ZEB1: variants seen among roughly 807,000 people sequenced by gnomAD.
The protein encoded by ZEB1 is zinc finger E-box binding homeobox 1, also known as zinc finger E-box-binding homeobox 1.
ZEB1 carries 21 observed loss-of-function variants against 84.9 expected under a neutral mutation model. The observed-to-expected ratio is 0.25, with a 90% CI of 0.18 to 0.36. The LOEUF (loss-of-function observed/expected upper bound fraction) is 0.36. Among genes scored for constraint, ZEB1 ranks in the 10% least tolerant of loss-of-function variants. ZEB1 has a pLI of 1.00. For missense variants in ZEB1, 1,104 were observed against 1,330.2 expected (o/e 0.83, Z 2.65); for synonymous variants, 420 against 471.1 (o/e 0.89, Z 1.41).
At chr10:31,497,398 G>A (rs749315944) in intron 3 of ZEB1, among the ~76,000 whole-genome samples, 1 of 152,028 alleles carries the variant, frequency 6.6e-6, no homozygotes, top group Non-Finnish European at 1.5e-5. Context: ...TGGAAGGCAG[G>A]GTAACCTTCT....
chr10:31,519,551 A>G (rs756931933), intron 6 of ZEB1, among the ~76,000 whole-genome samples: 2 of 152,216 alleles, frequency 1.3e-5, no homozygotes, highest in African/African-American at 2.4e-5. Context: ...CTGGGAGTAT[A>G]TACATTTCAG....
intron 1 of ZEB1, among the ~76,000 whole-genome samples, chr10:31,385,658 A>G (rs1403372395): frequency 6.6e-6 from 1 of 151,268 alleles, no homozygotes; most frequent in Non-Finnish European, 1.5e-5. Flanking sequence ...CCCCCAAGTA[A>G]CTGGGATTAC....
chr10:31,389,878 C>A (rs535764468), intron 1 of ZEB1, among the ~76,000 whole-genome samples: 18 of 152,170 alleles, frequency 1.2e-4, no homozygotes, highest in African/African-American at 4.1e-4. Context: ...ATACTCACAG[C>A]ACATCTTATA....
chr10:31,496,937 A>G (rs75820110), intron 3 of ZEB1, among the ~76,000 whole-genome samples: 245 of 152,244 alleles, frequency 1.6e-3, no homozygotes, highest in African/African-American at 4.5e-3. Flanking sequence ...TTGTGCTGTT[A>G]TTAAAAGTGA....
chr10:31,326,276 C>G (rs915722740), intron 1 of ZEB1, among the ~76,000 whole-genome samples: 4 of 152,044 alleles, frequency 2.6e-5, no homozygotes, highest in African/African-American at 9.7e-5. Context: ...CTTGCTCTGC[C>G]TTGAATACTT....
chr10:31,468,957 A>G (rs190320796), intron 2 of ZEB1, among the ~76,000 whole-genome samples: 105 of 152,390 alleles, frequency 6.9e-4, no homozygotes, highest in African/African-American at 2.4e-3. Context: ...TGACAGATAA[A>G]GAATTTAAGA....
chr10:31,427,678 C>T (rs1177880956), intron 1 of ZEB1, among the ~76,000 whole-genome samples: 1 of 152,018 alleles, frequency 6.6e-6, no homozygotes, highest in Non-Finnish European at 1.5e-5. Flanking sequence ...ATGGTGAAAC[C>T]CCATCTCTAC....
In ZEB1 at chr10:31,520,560, T is replaced by A; in HGVS notation, c.1228T>A (p.Leu410Ile). The A allele has an allele frequency of 6.2e-7, 1 of 1,614,030 alleles. No homozygotes were observed. The highest frequency in any genetic ancestry group is 8.5e-7 in the Non-Finnish European group (1 of 1,179,970). Reference protein sequence around the residue: ...VGLVSPISINLSDIQNVLKVA... With the variant: ...VGLVSPISINISDIQNVLKVA... The stretch of plus-strand genomic sequence containing the variant: ...TTTGGTGTCTCCCATAAGTATCAAT[T>A]TAAGTGATATTCAGAATGTACTTAA... Residue 410 changes from leucine (L) to isoleucine (I), a missense_variant, in exon 7 of 9, where the codon TTA becomes ATA. By Grantham distance (5) the Leu-to-Ile change is conservative. Transcript: ENST00000424869. This position sits in a 1 kb window ranked among gnomAD's most constrained non-coding sequence, Gnocchi z 5.1.
At chr10:31,412,778 C>T (rs1165919746) in intron 1 of ZEB1, among the ~76,000 whole-genome samples, 2 of 152,120 alleles carry the variant, frequency 1.3e-5, no homozygotes, top group African/African-American at 2.4e-5. Flanking sequence ...AAAGTTTCTC[C>T]TGGATGTGTA....
intron 2 of ZEB1, among the ~76,000 whole-genome samples, chr10:31,464,521 A>T (rs1027666571): frequency 6.6e-6 from 1 of 152,220 alleles, no homozygotes; most frequent in Non-Finnish European, 1.5e-5. Context: ...AGATTCAAAA[A>T]GCCCAAATGG....
At chr10:31,432,410 A>G (rs2057818965) in intron 1 of ZEB1, among the ~76,000 whole-genome samples, 1 of 152,146 alleles carries the variant, frequency 6.6e-6, no homozygotes, top group Non-Finnish European at 1.5e-5. Context: ...GCAATATGGC[A>G]AAACCCTGTC....
At chr10:31,524,167 G>A in intron 8 of ZEB1, 54 bp downstream of exon 8, 1 of 1,516,206 alleles carries the variant, frequency 6.6e-7, no homozygotes, top group Non-Finnish European at 9.0e-7. Context: ...ACTGGAAGAT[G>A]CAAAATTAAA....
rs552700868 is a variant in ZEB1 at position 31,409,652 on chromosome 10, G to A, written c.59-51385G>A. Among the ~76,000 whole-genome samples, 8 of 152,268 alleles carry A rather than the reference G, an allele frequency of 5.3e-5. No homozygotes were observed. The South Asian group carries it at 1.7e-3, about 32-fold the overall frequency. On this transcript the variant is annotated intron_variant, in intron 1 of 8. Coordinates refer to ENST00000424869, the MANE Select transcript of ZEB1 (RefSeq NM_001174096.2). ...TTCTTCCTATCCATGAGCATGGAAT[G>A]TTTTTCCATTTGTTTGTGTCCTCTC...
At chr10:31,444,545 A>G (rs1296952894) in intron 1 of ZEB1, among the ~76,000 whole-genome samples, 1 of 151,180 alleles carries the variant, frequency 6.6e-6, no homozygotes, top group Admixed American at 6.6e-5. Flanking sequence ...TTATGGTTTT[A>G]GGTCTAAAGT....
At chr10:31,482,193 T>C (rs2138502289) in intron 2 of ZEB1, among the ~76,000 whole-genome samples, 1 of 152,186 alleles carries the variant, frequency 6.6e-6, no homozygotes, top group East Asian at 1.9e-4. Flanking sequence ...TAGTGTGGTA[T>C]ATTGACAAGG....
intron 2 of ZEB1, among the ~76,000 whole-genome samples, chr10:31,478,942 T>C (rs918685346): frequency 6.6e-6 from 1 of 151,864 alleles, no homozygotes; most frequent in African/African-American, 2.4e-5. Context: ...ACTGTTTGGA[T>C]TATGGGTACA....
In ZEB1 at chr10:31,528,626, CTT is replaced by C. The variant is rs2073839987; in HGVS notation, c.*1365_*1366del. On this transcript the variant is annotated 3_prime_UTR_variant, in exon 9 of 9. Coordinates refer to ENST00000424869, the MANE Select transcript of ZEB1 (RefSeq NM_001174096.2). ...CATATGTACTTTTAGTTTTAGAAAA[CTT>C]TTATATTTATGTGTCTTATTTTTAT... 6.6e-6 allele frequency: 1 copy of C among 151,954 alleles called. No homozygotes were observed. Among genetic ancestry groups the C allele is most frequent in the African/African-American group, 2.4e-5 (1 of 41,360 alleles). 9.4% of individuals were successfully genotyped at this position (151,954 alleles called of 1,614,324 possible).
At chr10:31,318,886 C>T (rs1041343168), upstream of ZEB1, 4 of 375,284 alleles carry the variant, frequency 1.1e-5, no homozygotes, top group Non-Finnish European at 1.5e-5. Context: ...CGCCGAGCCT[C>T]CAACTTTACC....
At chr10:31,354,184 A>ATTT in intron 1 of ZEB1, among the ~76,000 whole-genome samples, 1 of 152,210 alleles carries the variant, frequency 6.6e-6, no homozygotes, top group Admixed American at 6.5e-5. Context: ...TTCTTCTGAA[A>ATTT]CAATGATATT....
Sources: allele counts gnomAD v4.1 joint callset (sites outside exome capture counted in the v4.1 genomes callset), GRCh38; gene constraint gnomAD v4.1.1; non-coding constraint Gnocchi (gnomAD v3.1); transcripts MANE v1.5; gene names NCBI Gene and HGNC (gene_info 2026-07-23, HGNC 2026-07-21).